Variants in AK4 observed in about 807,000 individuals in gnomAD.
AK4 encodes adenylate kinase 4, also known as adenylate kinase 4, mitochondrial.
Under a neutral mutation model 24.6 loss-of-function variants are expected in AK4, and 13 were observed. The ratio of observed to expected loss-of-function variants is 0.53; its 90% CI spans 0.34 to 0.84. AK4 has a LOEUF of 0.84. Among genes scored for constraint, AK4 ranks in the 40% least tolerant of loss-of-function variants. The pLI, the probability that AK4 is intolerant of heterozygous loss-of-function variation, is 0.01. For missense variants in AK4, 192 were observed against 288.2 expected, an observed-to-expected ratio of 0.67 and a Z score of 2.42; for synonymous variants, 88 against 107.0, an observed-to-expected ratio of 0.82 and a Z score of 1.10.
At chr1:65,150,015 A>G (rs1038925483) in intron 1 of AK4, among the ~76,000 whole-genome samples, 5 of 152,138 alleles carry the variant, frequency 3.3e-5, no homozygotes, top group African/African-American at 4.8e-5. Context: ...AGACAGTGAG[A>G]AGAGATGAGC....
At chr1:65,204,864 G>A (rs1163466055) in intron 2 of AK4, among the ~76,000 whole-genome samples, 1 of 152,040 alleles carries the variant, frequency 6.6e-6, no homozygotes, top group African/African-American at 2.4e-5. Context: ...GGTGAATTCT[G>A]TGCACTGGTT....
intron 1 of AK4, among the ~76,000 whole-genome samples, chr1:65,168,876 A>T (rs896090797): frequency 6.6e-6 from 1 of 152,168 alleles, no homozygotes; most frequent in Non-Finnish European, 1.5e-5. Flanking sequence ...AGCATGGTGG[A>T]AATAACACTT....
chr1:65,185,665 C>T (rs1432208657), intron 1 of AK4, among the ~76,000 whole-genome samples: 1 of 150,458 alleles, frequency 6.6e-6, no homozygotes, highest in African/African-American at 2.5e-5. Context: ...GCTCTGTCAC[C>T]TAGGCTGGCG....
At chr1:65,196,418 A>G (rs527955327) in intron 2 of AK4, among the ~76,000 whole-genome samples, 1 of 152,194 alleles carries the variant, frequency 6.6e-6, no homozygotes, top group South Asian at 2.1e-4. Flanking sequence ...AAAGTTCAGC[A>G]CTACCTTCCC....
chr1:65,217,888 C>T (rs1221888766), intron 2 of AK4, among the ~76,000 whole-genome samples: 1 of 152,096 alleles, frequency 6.6e-6, no homozygotes, highest in Admixed American at 6.6e-5. Context: ...AGCTTTATCG[C>T]GGTATACTTG....
chr1:65,191,827 T>A (rs1475201041), intron 2 of AK4, among the ~76,000 whole-genome samples: 1 of 152,094 alleles, frequency 6.6e-6, no homozygotes, highest in Non-Finnish European at 1.5e-5. Context: ...GAGTTGTGAC[T>A]ACAAACCAGA....
intron 2 of AK4, among the ~76,000 whole-genome samples, chr1:65,192,955 C>T (rs568939906): frequency 2.6e-5 from 4 of 152,324 alleles, no homozygotes; most frequent in South Asian, 2.1e-4. Context: ...TTGCTGGGTT[C>T]AATCCACTCA....
At chr1:65,164,090 A>AT (rs1650255612) in intron 1 of AK4, among the ~76,000 whole-genome samples, 1 of 152,178 alleles carries the variant, frequency 6.6e-6, no homozygotes, top group Non-Finnish European at 1.5e-5. Context: ...CTAAACTGTA[A>AT]TTTCTAATCT....
chr1:65,157,711 C>T (rs1650026538), intron 1 of AK4, among the ~76,000 whole-genome samples: 1 of 151,986 alleles, frequency 6.6e-6, no homozygotes, highest in Non-Finnish European at 1.5e-5. Flanking sequence ...ATCACTTGAG[C>T]CCAAGAGGTT....
intron 2 of AK4, among the ~76,000 whole-genome samples, chr1:65,211,768 C>T (rs1651978473): frequency 6.6e-6 from 1 of 152,194 alleles, no homozygotes; most frequent in African/African-American, 2.4e-5. Context: ...AAATGTTCTA[C>T]TCTAATTTAG....
chr1:65,147,936 C>T (rs1197341828), upstream of AK4: 1 of 156,126 alleles, frequency 6.4e-6, no homozygotes, highest in East Asian at 1.9e-4. Flanking sequence ...CGGGGGCTGG[C>T]TTTGAGTCAC....
chr1:65,220,986 A>C (rs961129180), intron 3 of AK4, among the ~76,000 whole-genome samples: 1 of 152,186 alleles, frequency 6.6e-6, no homozygotes, highest in Non-Finnish European at 1.5e-5. Context: ...TGGGTAGTTA[A>C]GTGACTAGGG....
chr1:65,218,921 G>A lies in AK4; in HGVS notation c.433G>A (p.Val145Ile), dbSNP rs1197019297. 1 of 1,576,586 alleles carries A rather than the reference G, an allele frequency of 6.3e-7. No homozygotes were observed. The change falls in exon 3 of 5, where the codon GTA becomes ATA. Residue 145 changes from valine (V) to isoleucine (I), a missense_variant. Val to Ile is a conservative substitution (Grantham distance 29). Coordinates refer to ENST00000327299, the MANE Select transcript of AK4 (RefSeq NM_013410.4). The stretch of plus-strand genomic sequence containing the variant: ...TAACCTGGACTTCAATCCACCTCAT[G>A]TACATGTAAGAATATACAAAGTGCT... Reference protein sequence around the residue: ...VYNLDFNPPHVHGIDDVTGEP... With the variant: ...VYNLDFNPPHIHGIDDVTGEP...
chr1:65,213,912 T>C (rs2101076461), intron 2 of AK4, among the ~76,000 whole-genome samples: 1 of 152,310 alleles, frequency 6.6e-6, no homozygotes, highest in African/African-American at 2.4e-5. Context: ...AAAGGACATT[T>C]GGACGTGGAT....
intron 2 of AK4, among the ~76,000 whole-genome samples, chr1:65,196,460 T>C (rs757125935): frequency 6.6e-5 from 10 of 152,088 alleles, no homozygotes; most frequent in Non-Finnish European, 1.5e-4. Context: ...GTAAGAAATA[T>C]TCTTGTTTTG....
chr1:65,185,954 A>G (rs896686447), intron 1 of AK4, among the ~76,000 whole-genome samples: 1 of 151,840 alleles, frequency 6.6e-6, no homozygotes, highest in Non-Finnish European at 1.5e-5. Context: ...CTTTGCTTGT[A>G]TCATACCTCT....
At chr1:65,187,172 C>T (rs1198596021) in intron 1 of AK4, among the ~76,000 whole-genome samples, 1 of 151,526 alleles carries the variant, frequency 6.6e-6, no homozygotes, top group Non-Finnish European at 1.5e-5. Context: ...ACGGTGAAAC[C>T]CTGTTTCTAC....
chr1:65,231,166 G>C lies in AK4; in HGVS notation c.*4989G>C, dbSNP rs1652632968. The C allele has an allele frequency of 6.6e-6, 1 of 152,260 alleles. No homozygotes were observed. The highest frequency in any genetic ancestry group is 2.1e-4 in the South Asian group (1 of 4,820). 9.4% of individuals were successfully genotyped at this position (152,260 alleles called of 1,614,324 possible). On this transcript the variant is annotated 3_prime_UTR_variant, in exon 5 of 5. Coordinates refer to ENST00000327299, the MANE Select transcript of AK4 (RefSeq NM_013410.4). ...AAATGAGAAGTGTGCAGGCCCCAGA[G>C]GTTGAGAAGCCATATTTCAACTGTG... is the stretch of plus-strand genomic sequence containing the variant.
rs1182905669 is a variant in AK4 at position 65,226,555 on chromosome 1, T to C, written c.*378T>C. On this transcript the variant is annotated 3_prime_UTR_variant, in exon 5 of 5. Transcript: ENST00000327299. ...TGGTTCTCCCCATCCCCACAAAGGC[T>C]GTTGAACCACAGCACCAGGAAGCCT... 3 of 166,942 alleles carry C rather than the reference T, an allele frequency of 1.8e-5. No homozygotes were observed. The highest frequency in any genetic ancestry group is 3.9e-5 in the Non-Finnish European group (3 of 77,218). 10.3% of individuals were successfully genotyped at this position (166,942 alleles called of 1,614,324 possible).
Sources: gnomAD v4.1 joint callset for allele counts (sites outside exome capture counted in the v4.1 genomes callset) on GRCh38, gnomAD v4.1.1 for gene constraint, MANE v1.5 for transcripts, NCBI Gene and HGNC (gene_info 2026-07-23, HGNC 2026-07-21) for gene names.